The following ENOSF1 variants were observed in gnomAD, a reference collection of about 807,000 sequenced individuals.
ENOSF1 encodes the protein mitochondrial enolase superfamily member 1.
In ENOSF1, 73 loss-of-function variants were observed where a neutral mutation model predicts 68.2. The observed-to-expected ratio is 1.07, with a 90% CI of 0.89 to 1.30. ENOSF1 has a LOEUF of 1.30. Ranked by LOEUF, ENOSF1 falls within the 50% of genes most tolerant of loss-of-function variation. The pLI, the probability that ENOSF1 is intolerant of heterozygous loss-of-function variation, is 0.00. For missense variants in ENOSF1, 589 were observed against 554.5 expected (o/e 1.06, Z -0.62); for synonymous variants, 223 against 210.4 (o/e 1.06, Z -0.52).
At chr18:702,624 C>A (rs545991938) in intron 2 of ENOSF1, among the ~76,000 whole-genome samples, 1 of 151,774 alleles carries the variant, frequency 6.6e-6, no homozygotes, top group Non-Finnish European at 1.5e-5. Context: ...CCTGTGGGCC[C>A]AGCTACTCGG....
chr18:684,228 C>A (rs2076402595), intron 10 of ENOSF1, among the ~76,000 whole-genome samples: 1 of 151,984 alleles, frequency 6.6e-6, no homozygotes. Flanking sequence ...ATCTCCTGAC[C>A]TTGTGATCCG....
chr18:680,939 G>C (rs2076017164), intron 11 of ENOSF1, among the ~76,000 whole-genome samples: 2 of 151,352 alleles, frequency 1.3e-5, no homozygotes, highest in South Asian at 4.2e-4. Context: ...TCCTCCTCCT[G>C]GGTTCACGCC....
intron 3 of ENOSF1, among the ~76,000 whole-genome samples, chr18:696,763 ATG>A (rs2077777975): frequency 6.6e-6 from 1 of 152,198 alleles, no homozygotes; most frequent in African/African-American, 2.4e-5. Flanking sequence ...CAAAATACTG[ATG>A]ATCTAAATGA....
At chr18:677,101 C>CAA (rs1359172183) in intron 14 of ENOSF1, among the ~76,000 whole-genome samples, 1 of 152,216 alleles carries the variant, frequency 6.6e-6, no homozygotes, top group African/African-American at 2.4e-5. Flanking sequence ...AGTGTGGCTG[C>CAA]AAGCCTTACC....
chr18:688,700 C>T (rs959131093), intron 8 of ENOSF1, 92 bp from the exon 9 acceptor site: 19 of 1,165,018 alleles, frequency 1.6e-5, no homozygotes, highest in Admixed American at 6.9e-5. Context: ...ACAAGCATTA[C>T]GGTTATAGCA....
downstream of ENOSF1, among the ~76,000 whole-genome samples, chr18:667,191 AGATGGT>A (rs1310449953): frequency 1.4e-3 from 58 of 40,004 alleles, no homozygotes; most frequent in East Asian, 6.2e-3. Flanking sequence ...ATGGTGATGG[AGATGGT>A]GATGGTGATG....
At chr18:695,256 C>G (rs1438122697) in intron 3 of ENOSF1, among the ~76,000 whole-genome samples, 1 of 152,174 alleles carries the variant, frequency 6.6e-6, no homozygotes, top group Admixed American at 6.5e-5. Flanking sequence ...CTGGGCTGAT[C>G]TGGAGTTCCT....
chr18:694,005 G>T, intron 4 of ENOSF1, 97 bp from the exon 5 acceptor site: 2 of 1,387,382 alleles, frequency 1.4e-6, no homozygotes, highest in South Asian at 1.2e-5. Context: ...CTGGCTGTCA[G>T]CCACCAGGTC....
In ENOSF1 at chr18:670,783, G is replaced by A. The variant is rs377521322; in HGVS notation, c.*3522C>T. On this transcript the variant is annotated 3_prime_UTR_variant, in exon 16 of 16. Coordinates refer to ENST00000647584, the MANE Select transcript of ENOSF1 (RefSeq NM_017512.7). ...TGTCCTGCCAGCTGTACCAGAGATC[G>A]GGAGACATGGGCCTCGGTGTGCCTT... The A allele has an allele frequency of 1.4e-5, 23 of 1,613,980 alleles. No homozygotes were observed. The highest frequency in any genetic ancestry group is 4.4e-5 in the South Asian group (4 of 91,078).
chr18:699,146 C>G (rs1016059100), intron 2 of ENOSF1, among the ~76,000 whole-genome samples: 3 of 152,124 alleles, frequency 2.0e-5, no homozygotes, highest in African/African-American at 7.2e-5. Flanking sequence ...AGGTGTGAGC[C>G]ACCATGTCCT....
rs572783573 is a variant in ENOSF1, at chr18:693,384, T to C, written c.423+498A>G. 4.1e-5 allele frequency: 48 copies of C among 1,162,090 alleles called. No individual in the cohort carries two copies. The African/African-American group carries it at 6.6e-4, about 16-fold the overall frequency. 72.0% of individuals were successfully genotyped at this position (1,162,090 alleles called of 1,614,324 possible). ...TCACCTGAGTGCAGTGGTGCAATTA[T>C]AGCTCACTGCAGCCTGAAACTCCTG... On this transcript the variant is annotated intron_variant, in intron 5 of 15. Transcript: ENST00000647584.
intron 2 of ENOSF1, among the ~76,000 whole-genome samples, chr18:704,146 T>C (rs2078666085): frequency 6.6e-6 from 1 of 152,054 alleles, no homozygotes; most frequent in Non-Finnish European, 1.5e-5. Context: ...AATGCAAAAA[T>C]AGCCTGGCTC....
chr18:666,888 G>GGGAGAT (rs1343207726), downstream of ENOSF1, among the ~76,000 whole-genome samples: 71 of 90,948 alleles, frequency 7.8e-4, 7 homozygotes, highest in African/African-American at 2.2e-3. Flanking sequence ...GAAAAAGTTC[G>GGGAGAT]GGAGATGGTG....
intron 8 of ENOSF1, among the ~76,000 whole-genome samples, chr18:689,896 G>A (rs185088123): frequency 6.6e-6 from 1 of 152,254 alleles, no homozygotes; most frequent in East Asian, 1.9e-4. Context: ...TAGCTGGGGA[G>A]GCGAGGGGGC....
the ENOSF1 span, among the ~76,000 whole-genome samples, chr18:664,124 C>T: frequency 1.3e-5 from 2 of 150,928 alleles, no homozygotes; most frequent in East Asian, 1.9e-4. Flanking sequence ...GCCATTTTCA[C>T]GATATTGATT....
At chr18:700,641 T>C (rs1457355879) in intron 2 of ENOSF1, among the ~76,000 whole-genome samples, 1 of 152,004 alleles carries the variant, frequency 6.6e-6, no homozygotes, top group African/African-American at 2.4e-5. Context: ...TCCCAGCACT[T>C]TGGGAGGCTG....
At chr18:695,564 T>C (rs1364866025) in intron 3 of ENOSF1, among the ~76,000 whole-genome samples, 1 of 149,172 alleles carries the variant, frequency 6.7e-6, no homozygotes, top group African/African-American at 2.5e-5. Context: ...TGTAATGGGC[T>C]TGACCTTGTT....
the ENOSF1 span, among the ~76,000 whole-genome samples, chr18:664,625 GC>G: frequency 1.4e-5 from 2 of 140,430 alleles, no homozygotes; most frequent in African/African-American, 5.6e-5. Flanking sequence ...TCCAGTTTTT[GC>G]CCATTCAGTA....
chr18:677,439 C>G lies in ENOSF1; in HGVS notation c.1054G>C (p.Val352Leu). ...CCAACTCCACCAGCATGGGGGCAAA[C>G]AGGAACTAAAAGGAAATCGTTTCTA... ...LLMAKKFEIP[V>L]CPHAGGVGLC... is the part of the protein sequence containing the mutation. The change falls in exon 14 of 16, where the codon GTT (valine) becomes CTT (leucine). Residue 352 changes from valine (V) to leucine (L), a missense_variant. Physicochemically the swap from Val to Leu is conservative, Grantham distance 32. Transcript: ENST00000647584. 2 of 1,612,172 alleles carry G rather than the reference C, an allele frequency of 1.2e-6. No homozygotes were observed. The highest frequency in any genetic ancestry group is 1.7e-4 in the Middle Eastern group (1 of 6,054).
Sources: gnomAD v4.1 joint callset for allele counts (sites outside exome capture counted in the v4.1 genomes callset) on GRCh38, gnomAD v4.1.1 for gene constraint, MANE v1.5 for transcripts, NCBI Gene and HGNC (gene_info 2026-07-23, HGNC 2026-07-21) for gene names.